TNC: variants seen among roughly 807,000 people sequenced by gnomAD.
TNC encodes tenascin C, also known as tenascin.
A neutral mutation model predicts 202.4 loss-of-function variants in TNC; 109 were observed. The ratio of observed to expected loss-of-function variants is 0.54; its 90% CI spans 0.46 to 0.63. The LOEUF is 0.63. TNC is among the 30% of genes least tolerant of loss of function. The pLI, the probability that TNC is intolerant of heterozygous loss-of-function variation, is 0.00. For missense variants in TNC, 2,756 were observed against 2,833.3 expected (o/e 0.97, Z 0.62); for synonymous variants, 1,007 against 1,089.7 (o/e 0.92, Z 1.50).
chr9:115,095,554 ATG>A (rs1394976578), intron 1 of TNC, among the ~76,000 whole-genome samples: 7 of 1,606 alleles, frequency 4.4e-3, no homozygotes, highest in Non-Finnish European at 6.1e-3. Context: ...ATGTATATAT[ATG>A]TATATATATG....
chr9:115,031,536 A>G lies in TNC; in HGVS notation c.5920+17T>C, dbSNP rs1829946971. The G allele has an allele frequency of 6.6e-7, 1 of 1,526,116 alleles. No homozygotes were observed. The highest frequency in any genetic ancestry group is 1.4e-5 in the African/African-American group (1 of 70,982). The allele number at this position is 1,526,116 out of a possible 1,614,324, so 94.5% of individuals were successfully genotyped here. On this transcript the variant is annotated intron_variant, in intron 23 of 27. Coordinates refer to ENST00000350763, the MANE Select transcript of TNC (RefSeq NM_002160.4). ...AAGTTAGATCTCAAGGCTGGATGGC[A>G]CCCTGGGCCTCCTTACTTGTGGTGA...
chr9:115,082,739 G>C lies in TNC; in HGVS notation c.2200C>G (p.Pro734Ala), dbSNP rs751036493. Residue 734 changes from proline to alanine, a missense_variant, in exon 5 of 28, where the codon CCT (proline) becomes GCT (alanine). This residue lies in a region of TNC where 2,559 missense variants were observed against 2,546.0 expected (regional missense o/e 1.01). Transcript: ENST00000350763. ...CAGGTTTCAAAAGCAATGTCTAGAG[G>C]ATCCCACTCCACTTCCACAGATGTC... is the stretch of plus-strand genomic sequence containing the variant. ...KETSVEVEWD[P>A]LDIAFETWEI... The C allele has an allele frequency of 6.2e-7, 1 of 1,614,064 alleles. No individual in the cohort carries two copies. The highest frequency in any genetic ancestry group is 8.5e-7 in the Non-Finnish European group (1 of 1,179,972).
At chr9:115,051,491 G>A (rs1244863108) in intron 15 of TNC, among the ~76,000 whole-genome samples, 2 of 151,576 alleles carry the variant, frequency 1.3e-5, no homozygotes, top group Admixed American at 6.6e-5. Context: ...TAGTGGAGAA[G>A]GTTCAGCGTC....
chr9:115,064,110 A>G (rs1308702371), intron 11 of TNC, 42 bp from the exon 12 acceptor site: 4 of 1,533,074 alleles, frequency 2.6e-6, no homozygotes, highest in Non-Finnish European at 3.5e-6. Context: ...CAAATCACAC[A>G]ACAAGATCCA....
At chr9:115,103,322 G>GTTTTGT (rs1836374014) in intron 1 of TNC, among the ~76,000 whole-genome samples, 3 of 152,122 alleles carry the variant, frequency 2.0e-5, no homozygotes, top group Non-Finnish European at 4.4e-5. Flanking sequence ...AAGCATCCTG[G>GTTTTGT]GTTATTAGTT....
intron 26 of TNC, among the ~76,000 whole-genome samples, chr9:115,026,159 T>C (rs1425562467): frequency 6.6e-6 from 1 of 152,130 alleles, no homozygotes; most frequent in African/African-American, 2.4e-5. Flanking sequence ...CGCCAGTGGG[T>C]CCATACACCC....
intron 1 of TNC, among the ~76,000 whole-genome samples, chr9:115,102,517 C>T (rs1177497266): frequency 6.6e-6 from 1 of 152,138 alleles, no homozygotes. Flanking sequence ...CAAGATGCTG[C>T]TTAAAGAAAT....
chr9:115,031,556 T>C lies in TNC; in HGVS notation c.5917A>G (p.Thr1973Ala). ...ATGGCACCCTGGGCCTCCTTACTTGTGGTGAAGATGGTCTGGATCATATTG... is the reference window on the plus strand; with the variant it reads ...ATGGCACCCTGGGCCTCCTTACTTGCGGTGAAGATGGTCTGGATCATATTG... ...RSNMIQTIFT[T>A]IGLLYPFPKD... The change falls in exon 23 of 28, where the codon ACA (threonine) becomes GCA (alanine). Residue 1973 changes from threonine to alanine, a missense_variant. Coordinates refer to ENST00000350763, the MANE Select transcript of TNC (RefSeq NM_002160.4). 6 of 1,564,090 alleles carry C rather than the reference T, an allele frequency of 3.8e-6. No homozygotes were observed. The highest frequency in any genetic ancestry group is 5.2e-6 in the Non-Finnish European group (6 of 1,155,350).
In TNC at chr9:115,085,225, G is replaced by A. The variant is rs192770423; in HGVS notation, c.1867+639C>T. On this transcript the variant is annotated intron_variant, in intron 3 of 27. Coordinates refer to ENST00000350763, the MANE Select transcript of TNC (RefSeq NM_002160.4). Reference sequence around the variant, plus strand: ...CTGCTAGAAATAGTGCCCTTTTAAGGATAGGAGCTTGCAGTCTTTAGGATT... The same window carrying A: ...CTGCTAGAAATAGTGCCCTTTTAAGAATAGGAGCTTGCAGTCTTTAGGATT... Among the ~76,000 whole-genome samples the A allele has an allele frequency of 2.8e-4, 43 of 152,154 alleles. No homozygotes were observed. In the East Asian group the frequency reaches 7.5e-3, roughly 27 times the overall value.
chr9:115,091,292 A>G, intron 1 of TNC, 138 bp from the exon 2 acceptor site: 1 of 422,980 alleles, frequency 2.4e-6, no homozygotes, highest in South Asian at 3.5e-5. Flanking sequence ...TACCCTTGAA[A>G]TAACATACAA....
Position 115,038,463 on chromosome 9 carries a change from G to T in TNC, c.5393-83C>A, listed in dbSNP as rs1588027518. On this transcript the variant is annotated intron_variant, in intron 19 of 27. Coordinates refer to ENST00000350763, the MANE Select transcript of TNC (RefSeq NM_002160.4). Reference sequence around the variant, plus strand: ...CTGCTCTGCTGTCCACACTGCTTATGGAGTCCTGATGTTAGGACAGTGTCA... The same window carrying T: ...CTGCTCTGCTGTCCACACTGCTTATTGAGTCCTGATGTTAGGACAGTGTCA... 5 of 1,536,930 alleles carry T rather than the reference G, an allele frequency of 3.3e-6. No homozygotes were observed. The East Asian group carries it at 1.2e-4, about 36-fold the overall frequency.
chr9:115,040,087 C>T (rs1830616372), intron 19 of TNC, among the ~76,000 whole-genome samples: 1 of 152,216 alleles, frequency 6.6e-6, no homozygotes, highest in African/African-American at 2.4e-5. Context: ...TTTTCCACTT[C>T]ATTCTCCTTC....
At chr9:115,090,193 A>G (rs1334275259) in intron 2 of TNC, among the ~76,000 whole-genome samples, 1 of 152,184 alleles carries the variant, frequency 6.6e-6, no homozygotes, top group Non-Finnish European at 1.5e-5. Context: ...AGCAGTACCT[A>G]TCAGAGAGTG....
Position 115,041,087 on chromosome 9 carries a change from G to A in TNC, c.5249-3C>T. ...CACAGTTACCATGGAGGGTGTACCT[G>A]GAACACAGTAAAAGCAAGATGAGGA... On this transcript the variant is annotated splice_polypyrimidine_tract_variant and splice_region_variant and intron_variant, in intron 18 of 27. Coordinates refer to ENST00000350763, the MANE Select transcript of TNC (RefSeq NM_002160.4). 1 of 1,608,904 alleles carries A rather than the reference G, an allele frequency of 6.2e-7. No homozygotes were observed. The highest frequency in any genetic ancestry group is 8.5e-7 in the Non-Finnish European group (1 of 1,177,452).
intron 6 of TNC, among the ~76,000 whole-genome samples, chr9:115,079,205 ATCTT>A (rs1433242222): frequency 6.6e-6 from 1 of 151,326 alleles, no homozygotes; most frequent in Non-Finnish European, 1.5e-5. Context: ...GAATCTTTGA[ATCTT>A]TCTTTCTTCT....
rs1335068755 is a variant in TNC at position 115,077,964 on chromosome 9, C to T, written c.2653G>A (p.Ala885Thr). 2.5e-6 allele frequency: 4 copies of T among 1,613,992 alleles called. No individual in the cohort carries two copies. Among genetic ancestry groups the T allele is most frequent in the East Asian group, 2.2e-5 (1 of 44,892 alleles). The change falls in exon 7 of 28, where the codon GCC (alanine) becomes ACC (threonine). Residue 885 changes from alanine (A) to threonine (T), a missense_variant. By Grantham distance (58) the Ala-to-Thr change is moderately conservative (BLOSUM62 0). Coordinates refer to ENST00000350763, the MANE Select transcript of TNC (RefSeq NM_002160.4). ...SRRGDMSSNP[A>T]KETFTTGLDA... ...TTACCTGTTGTGAAGGTCTCTTTGG[C>T]TGGGTTGCTTGACATGTCACCTCTG...
Position 115,086,368 on chromosome 9 carries a change from C to T in TNC, c.1363G>A (p.Val455Ile). Residue 455 changes from valine (V) to isoleucine (I), a missense_variant, in exon 3 of 28, where the codon GTA (valine) becomes ATA (isoleucine). This residue lies in a region of TNC where 2,559 missense variants were observed against 2,546.0 expected (regional missense o/e 1.01). Coordinates refer to ENST00000350763, the MANE Select transcript of TNC (RefSeq NM_002160.4). ...TAGCCCTTGAAGCCTTGCTCACATACACATTTGCCCTCGACACAGCGGCCC... is the reference window on the plus strand; with the variant it reads ...TAGCCCTTGAAGCCTTGCTCACATATACATTTGCCCTCGACACAGCGGCCC... ...SRGRCVEGKC[V>I]CEQGFKGYDC... is the part of the protein sequence containing the mutation. 1.2e-6 allele frequency: 2 copies of T among 1,614,160 alleles called. No individual in the cohort carries two copies. Among genetic ancestry groups the T allele is most frequent in the South Asian group, 1.1e-5 (1 of 91,088 alleles).
At chr9:115,101,345 G>A (rs144918614) in intron 1 of TNC, among the ~76,000 whole-genome samples, 1 of 152,178 alleles carries the variant, frequency 6.6e-6, no homozygotes, top group Non-Finnish European at 1.5e-5. Flanking sequence ...CTGAGTAGCT[G>A]TGATTACAGG....
chr9:115,036,340 C>A, intron 20 of TNC, 99 bp from the exon 21 acceptor site: 2 of 1,346,312 alleles, frequency 1.5e-6, no homozygotes, highest in Non-Finnish European at 2.1e-6. Context: ...AACATCGAAA[C>A]TTTCAGTGAC....
Sources: gnomAD v4.1 joint callset for allele counts (sites outside exome capture counted in the v4.1 genomes callset) on GRCh38, gnomAD v4.1.1 for gene constraint, gnomAD v4.1.1 regional missense constraint, MANE v1.5 for transcripts, NCBI Gene and HGNC (gene_info 2026-07-23, HGNC 2026-07-21) for gene names.